The following PRKG1 variants were observed in gnomAD, a reference collection of about 807,000 sequenced individuals.
PRKG1 encodes the protein protein kinase cGMP-dependent 1.
A neutral mutation model predicts 88.1 loss-of-function variants in PRKG1; 35 were observed. That is an observed-to-expected ratio of 0.40 (90% CI 0.30 to 0.53). The LOEUF (loss-of-function observed/expected upper bound fraction) is 0.53. Among genes scored for constraint, PRKG1 ranks in the 20% least tolerant of loss-of-function variants. The probability of loss-of-function intolerance (pLI) is 0.59; values close to 1 mark genes in which losing one functional copy is unlikely to be tolerated. For missense variants in PRKG1, 540 were observed against 839.8 expected (o/e 0.64, Z 4.41); for synonymous variants, 303 against 292.5 (o/e 1.04, Z -0.37).
intron 2 of PRKG1, among the ~76,000 whole-genome samples, chr10:51,436,630 A>G (rs1838940016): frequency 6.6e-6 from 1 of 152,066 alleles, no homozygotes; most frequent in Non-Finnish European, 1.5e-5. Flanking sequence ...ATCTCAAGGC[A>G]GCCTTAGTAA....
intron 1 of PRKG1, 33 bp downstream of exon 1, chr10:51,074,934 C>T: frequency 6.5e-7 from 1 of 1,550,140 alleles, no homozygotes; most frequent in Non-Finnish European, 8.7e-7. Context: ...GTCCATGTGG[C>T]GCCCTGGCGA....
intron 5 of PRKG1, among the ~76,000 whole-genome samples, chr10:52,047,362 A>C (rs1164814608): frequency 6.6e-6 from 1 of 152,122 alleles, no homozygotes; most frequent in Non-Finnish European, 1.5e-5. Context: ...TTGTGCACTG[A>C]AAAATATTGC....
intron 2 of PRKG1, among the ~76,000 whole-genome samples, chr10:51,266,103 C>T (rs767408383): frequency 1.3e-5 from 2 of 152,040 alleles, no homozygotes; most frequent in South Asian, 4.1e-4. Context: ...GTATGTGGAC[C>T]ACAGTTAGGG....
At chr10:52,166,792 TATATAC>T (rs201626825) in intron 9 of PRKG1, among the ~76,000 whole-genome samples, 3,552 of 11,956 alleles carry the variant, frequency 0.3, 303 homozygotes, top group African/African-American at 0.3. Flanking sequence ...AAAGCCTATA[TATATAC>T]ATATATATAT....
intron 2 of PRKG1, among the ~76,000 whole-genome samples, chr10:51,205,920 G>GAGACTTGTAAGT (rs1248606901): frequency 2.0e-5 from 3 of 152,030 alleles, no homozygotes; most frequent in South Asian, 2.1e-4. Flanking sequence ...TACTTGTAAG[G>GAGACTTGTAAGT]GTATACTAAG....
chr10:51,905,037 G>C (rs11000029), intron 4 of PRKG1, among the ~76,000 whole-genome samples: 38,504 of 152,034 alleles, frequency 0.25, 5,576 homozygotes, highest in African/African-American at 0.35. Flanking sequence ...GTATTTTCCA[G>C]GAATACCTAA....
At chr10:52,279,862 G>A (rs972765025) in intron 12 of PRKG1, among the ~76,000 whole-genome samples, 2 of 150,080 alleles carry the variant, frequency 1.3e-5, no homozygotes, top group African/African-American at 2.4e-5. Flanking sequence ...CTTACTACTC[G>A]GGAAAGAAAA....
chr10:51,246,735 ACTGGCAGAAC>A (rs1488963860), intron 2 of PRKG1, among the ~76,000 whole-genome samples: 1 of 152,086 alleles, frequency 6.6e-6, no homozygotes, highest in African/African-American at 2.4e-5. Flanking sequence ...ATAAATGTCA[ACTGGCAGAAC>A]CTTGGCCTCA....
rs1294954958 is a variant in PRKG1, at chr10:51,291,184, C to A, written c.478+137854C>A. On this transcript the variant is annotated intron_variant, in intron 2 of 17. Coordinates refer to ENST00000373980, the MANE Select transcript of PRKG1 (RefSeq NM_006258.4). Reference sequence around the variant, plus strand: ...AAAGTTAATGCCCCTGACCTTTTTGCAAGAGGGTTTCTTGGTCAGTTGGTA... The same window carrying A: ...AAAGTTAATGCCCCTGACCTTTTTGAAAGAGGGTTTCTTGGTCAGTTGGTA... Among the ~76,000 whole-genome samples the A allele has an allele frequency of 2.0e-5, 3 of 152,206 alleles. No individual in the cohort carries two copies. The East Asian group carries it at 5.8e-4, about 29-fold the overall frequency.
chr10:51,659,274 C>T (rs1783540379), intron 3 of PRKG1, among the ~76,000 whole-genome samples: 1 of 151,998 alleles, frequency 6.6e-6, no homozygotes. Flanking sequence ...ACAAATAACA[C>T]ACAGGGATGA....
At chr10:52,055,733 C>G (rs532977992) in intron 6 of PRKG1, among the ~76,000 whole-genome samples, 1 of 152,016 alleles carries the variant, frequency 6.6e-6, no homozygotes, top group Non-Finnish European at 1.5e-5. Context: ...GAAGGAAATG[C>G]GAATAGAAAG....
intron 7 of PRKG1, among the ~76,000 whole-genome samples, chr10:52,113,602 C>G (rs1336532062): frequency 1.3e-5 from 2 of 152,048 alleles, no homozygotes; most frequent in Admixed American, 6.6e-5. Flanking sequence ...CTGACTGTGT[C>G]CTGTTCTACA....
At chr10:51,836,390 CT>C (rs1247098135) in intron 4 of PRKG1, among the ~76,000 whole-genome samples, 2 of 152,040 alleles carry the variant, frequency 1.3e-5, no homozygotes, top group African/African-American at 2.4e-5. Flanking sequence ...TTATTGTTTT[CT>C]TGGCTGGCAG....
chr10:51,921,707 A>T (rs776713826), intron 5 of PRKG1, among the ~76,000 whole-genome samples: 3 of 152,106 alleles, frequency 2.0e-5, no homozygotes, highest in Admixed American at 2.0e-4. Context: ...TATGTGCTGG[A>T]TTACAGTAAT....
intron 1 of PRKG1, among the ~76,000 whole-genome samples, chr10:51,052,091 A>G (rs1843569330): frequency 6.6e-6 from 1 of 152,316 alleles, no homozygotes; most frequent in Non-Finnish European, 1.5e-5. Flanking sequence ...ATTTTATAGT[A>G]CAATAAAAAT....
intron 3 of PRKG1, among the ~76,000 whole-genome samples, chr10:51,727,902 G>A (rs1842174776): frequency 6.6e-6 from 1 of 152,154 alleles, no homozygotes; most frequent in South Asian, 2.1e-4. Context: ...TGAAGACCGT[G>A]TGCCCCAAGA....
At chr10:51,049,996 G>C (rs570532645) in intron 1 of PRKG1, among the ~76,000 whole-genome samples, 48 of 152,086 alleles carry the variant, frequency 3.2e-4, no homozygotes, top group Non-Finnish European at 5.1e-4. Context: ...CAGTTTCCTT[G>C]CTTGTCATTA....
intron 2 of PRKG1, among the ~76,000 whole-genome samples, chr10:51,431,233 G>T (rs773763095): frequency 6.6e-6 from 1 of 152,174 alleles, no homozygotes; most frequent in Non-Finnish European, 1.5e-5. Flanking sequence ...AAGTGACAAA[G>T]TGATGACATG....
At chr10:51,809,068 C>T (rs1472362392) in intron 4 of PRKG1, among the ~76,000 whole-genome samples, 3 of 152,182 alleles carry the variant, frequency 2.0e-5, no homozygotes, top group Non-Finnish European at 4.4e-5. Context: ...GCACTGCTAA[C>T]AGGCAAGAGT....
Sources: allele counts gnomAD v4.1 joint callset (sites outside exome capture counted in the v4.1 genomes callset), GRCh38; gene constraint gnomAD v4.1.1; transcripts MANE v1.5; gene names NCBI Gene and HGNC (gene_info 2026-07-23, HGNC 2026-07-21).